The following TSNAX variants were observed in gnomAD, a reference collection of about 807,000 sequenced individuals.
TSNAX encodes the protein translin associated factor X.
In TSNAX, 12 loss-of-function variants were observed where a neutral mutation model predicts 33.0. The ratio of observed to expected loss-of-function variants is 0.36; its 90% CI spans 0.23 to 0.59. The LOEUF (loss-of-function observed/expected upper bound fraction) is 0.59, where lower values mean the gene tolerates loss of function less well. TSNAX is among the 20% of genes least tolerant of loss of function. TSNAX has a pLI of 0.74. For missense variants in TSNAX, 267 were observed against 341.3 expected, an observed-to-expected ratio of 0.78 and a Z score of 1.72; for synonymous variants, 110 against 117.2, an observed-to-expected ratio of 0.94 and a Z score of 0.40.
intron 4 of TSNAX, among the ~76,000 whole-genome samples, chr1:231,553,682 C>CTTTTTTTTTTTTTTTTTT: frequency 7.5e-6 from 1 of 133,756 alleles, no homozygotes; most frequent in Non-Finnish European, 1.6e-5. Context: ...TCTTTCTTTC[C>CTTTTTTTTTTTTTTTTTT]TTTTTTTTTT....
intron 4 of TSNAX, among the ~76,000 whole-genome samples, chr1:231,547,817 C>T (rs1340924319): frequency 1.3e-5 from 2 of 148,676 alleles, no homozygotes; most frequent in East Asian, 2.0e-4. Context: ...AAAAGAAATC[C>T]AAGGAACAAA....
At position 231,565,111 on chromosome 1, in the gene TSNAX, A is replaced by C; in HGVS notation, c.*206A>C. On this transcript the variant is annotated 3_prime_UTR_variant, in exon 6 of 6. Coordinates refer to ENST00000366639, the MANE Select transcript of TSNAX (RefSeq NM_005999.3). ...CTTATTCATGAAAGTTTGCATACAGATGTTTGCATATATGCCTTTTTGAAT... is the reference window on the plus strand; with the variant it reads ...CTTATTCATGAAAGTTTGCATACAGCTGTTTGCATATATGCCTTTTTGAAT... The C allele has an allele frequency of 1.7e-6, 1 of 599,388 alleles. No homozygotes were observed. The highest frequency in any genetic ancestry group is 2.7e-6 in the Non-Finnish European group (1 of 365,988). The allele number at this position is 599,388 out of a possible 1,614,324, so 37.1% of individuals were successfully genotyped here.
At chr1:231,547,921 A>T (rs535577259) in intron 4 of TSNAX, among the ~76,000 whole-genome samples, 1 of 149,728 alleles carries the variant, frequency 6.7e-6, no homozygotes, top group African/African-American at 2.5e-5. Context: ...GCTCGCTGCA[A>T]GCTCCGCCTC....
chr1:231,542,782 G>GT lies in TSNAX; in HGVS notation c.367+179dup, dbSNP rs144760196. ...TAATCCAAAGGCAAGTTGGCTTTAT[G>GT]TTTTTTTTAACAGTGTAGTGATGGT... On this transcript the variant is annotated intron_variant, in intron 4 of 5. Coordinates refer to ENST00000366639, the MANE Select transcript of TSNAX (RefSeq NM_005999.3). The GT allele has an allele frequency of 1.6e-3, 1,082 of 693,076 alleles. 6 individuals carry two copies. Among genetic ancestry groups the GT allele is most frequent in the African/African-American group, 0.014 (778 of 54,942 alleles). The allele number at this position is 693,076 out of a possible 1,614,324, so 42.9% of individuals were successfully genotyped here.
intron 4 of TSNAX, among the ~76,000 whole-genome samples, chr1:231,551,798 T>TAA (rs750366346): frequency 4.2e-3 from 330 of 77,720 alleles, no homozygotes; most frequent in African/African-American, 0.011. Flanking sequence ...TACAAAAAAG[T>TAA]AAAAAAAAAA....
chr1:231,541,249 AATAT>A (rs1252974525), intron 3 of TSNAX, among the ~76,000 whole-genome samples: 5 of 152,092 alleles, frequency 3.3e-5, no homozygotes, highest in African/African-American at 4.8e-5. Flanking sequence ...TATGGTTCAT[AATAT>A]ATATCTTATT....
chr1:231,540,683 A>G (rs1659520871), intron 3 of TSNAX, among the ~76,000 whole-genome samples: 1 of 152,044 alleles, frequency 6.6e-6, no homozygotes, highest in Non-Finnish European at 1.5e-5. Flanking sequence ...TTTCCTTATG[A>G]TTTTCTGTAC....
At chr1:231,560,008 C>CT in intron 4 of TSNAX, among the ~76,000 whole-genome samples, 2 of 148,964 alleles carry the variant, frequency 1.3e-5, no homozygotes, top group East Asian at 3.9e-4. Context: ...TGCGACGAGT[C>CT]TCGCTCTGCC....
At chr1:231,562,168 ATATTAAAT>A (rs541571226) in intron 5 of TSNAX, among the ~76,000 whole-genome samples, 32 of 148,488 alleles carry the variant, frequency 2.2e-4, no homozygotes, top group Middle Eastern at 3.6e-3. Flanking sequence ...AATTGTTTAA[ATATTAAAT>A]TATTAAATTA....
At chr1:231,541,595 A>T (rs1199316924) in intron 3 of TSNAX, among the ~76,000 whole-genome samples, 4 of 106,476 alleles carry the variant, frequency 3.8e-5, no homozygotes, top group African/African-American at 2.1e-4. Flanking sequence ...AAATAAGAAA[A>T]ATATTTATCC....
At chr1:231,532,297 TC>T (rs1450976427) in intron 2 of TSNAX, among the ~76,000 whole-genome samples, 1 of 151,220 alleles carries the variant, frequency 6.6e-6, no homozygotes, top group East Asian at 1.9e-4. Flanking sequence ...GCTCAAGTGA[TC>T]CTCCCACCTC....
chr1:231,558,709 G>C (rs568611582), intron 4 of TSNAX, among the ~76,000 whole-genome samples: 2 of 151,958 alleles, frequency 1.3e-5, no homozygotes, highest in Non-Finnish European at 2.9e-5. Context: ...ATTTTCTTTG[G>C]GGGGGAACTG....
chr1:231,529,179 A>G (rs1459108208), intron 1 of TSNAX, 76 bp from the exon 2 acceptor site: 3 of 1,444,102 alleles, frequency 2.1e-6, no homozygotes, highest in Non-Finnish European at 1.9e-6. Flanking sequence ...TAAAGCAAGG[A>G]GTAGGTTTGT....
At chr1:231,542,662 A>T (rs1002979367) in intron 4 of TSNAX, 51 bp downstream of exon 4, 1 of 1,560,518 alleles carries the variant, frequency 6.4e-7, no homozygotes, top group Admixed American at 1.9e-5. Context: ...GGTGTGCTAC[A>T]TGATTAACAT....
intron 2 of TSNAX, chr1:231,535,066 G>A (rs887400344): frequency 6.6e-6 from 1 of 152,212 alleles, no homozygotes; most frequent in African/African-American, 2.4e-5. Flanking sequence ...CAAGCTTAGA[G>A]AATCAGGACT....
chr1:231,529,413 C>A, intron 2 of TSNAX, 54 bp downstream of exon 2: 1 of 1,553,860 alleles, frequency 6.4e-7, no homozygotes, highest in Non-Finnish European at 8.9e-7. Flanking sequence ...ATTATTTAGC[C>A]ATGGTTATGC....
At position 231,556,928 on chromosome 1, in the gene TSNAX, G is replaced by A. The variant is rs966761133; in HGVS notation, c.368-4200G>A. On this transcript the variant is annotated intron_variant, in intron 4 of 5. Coordinates refer to ENST00000366639, the MANE Select transcript of TSNAX (RefSeq NM_005999.3). ...TAAGCCACGTTAATGGTTTTGCCCT[G>A]TATTCTGAGCGCCATGGGAAGCTAT... Among the ~76,000 whole-genome samples, 66 of 152,188 alleles carry A rather than the reference G, an allele frequency of 4.3e-4. 1 individual carries two copies. The highest frequency in any genetic ancestry group is 1.5e-3 in the East Asian group (8 of 5,186).
intron 4 of TSNAX, among the ~76,000 whole-genome samples, chr1:231,544,547 T>TTA (rs1659781145): frequency 6.6e-6 from 1 of 152,250 alleles, no homozygotes; most frequent in African/African-American, 2.4e-5. Flanking sequence ...TATTAGTGCA[T>TTA]GATTAGGCTC....
chr1:231,563,854 G>T (rs1487700661), intron 5 of TSNAX, among the ~76,000 whole-genome samples: 2 of 152,114 alleles, frequency 1.3e-5, no homozygotes, highest in Non-Finnish European at 2.9e-5. Flanking sequence ...ACCATCTAAT[G>T]ATAAGTAAAA....
Sources: allele counts gnomAD v4.1 joint callset (sites outside exome capture counted in the v4.1 genomes callset), GRCh38; gene constraint gnomAD v4.1.1; transcripts MANE v1.5; gene names NCBI Gene and HGNC (gene_info 2026-07-23, HGNC 2026-07-21).